Variants in RORA observed in about 807,000 individuals in gnomAD.
RORA encodes nuclear receptor ROR-alpha.
In RORA, 7 loss-of-function variants were observed where a neutral mutation model predicts 69.5. The ratio of observed to expected loss-of-function variants is 0.10; its 90% CI spans 0.06 to 0.19. RORA has a LOEUF of 0.19. Among genes scored for constraint, RORA ranks in the 10% least tolerant of loss-of-function variants. The probability of loss-of-function intolerance (pLI) is 1.00; values close to 1 mark genes in which losing one functional copy is unlikely to be tolerated. For synonymous variants in RORA, 261 were observed against 240.8 expected, an observed-to-expected ratio of 1.08 and a Z score of -0.78; for missense variants, 457 against 663.0, an observed-to-expected ratio of 0.69 and a Z score of 3.41.
intron 1 of RORA, among the ~76,000 whole-genome samples, chr15:60,919,141 C>G (rs1282165071): frequency 6.6e-6 from 1 of 152,216 alleles, no homozygotes; most frequent in Non-Finnish European, 1.5e-5. Context: ...ACAGTGGCCT[C>G]CTTGGCTTTT....
At chr15:60,699,335 T>C (rs1414322715) in intron 1 of RORA, among the ~76,000 whole-genome samples, 1 of 152,230 alleles carries the variant, frequency 6.6e-6, no homozygotes, top group Non-Finnish European at 1.5e-5. Context: ...ATTATCTAAA[T>C]ATACTTTTTT....
chr15:60,749,038 C>T (rs1273980386), intron 1 of RORA, among the ~76,000 whole-genome samples: 1 of 152,136 alleles, frequency 6.6e-6, no homozygotes, highest in Non-Finnish European at 1.5e-5. Context: ...AATGCACATT[C>T]CTAGAGTCCA....
At chr15:60,658,794 C>T (rs1288033160) in intron 2 of RORA, among the ~76,000 whole-genome samples, 2 of 152,194 alleles carry the variant, frequency 1.3e-5, no homozygotes, top group African/African-American at 4.8e-5. Context: ...TCCGTTCTCC[C>T]ATGTGAAGGA....
chr15:60,912,101 G>A (rs1891741163), intron 1 of RORA, among the ~76,000 whole-genome samples: 1 of 152,178 alleles, frequency 6.6e-6, no homozygotes, highest in African/African-American at 2.4e-5. Context: ...TTTTGCTTAA[G>A]GCAATGCCTG....
intron 1 of RORA, among the ~76,000 whole-genome samples, chr15:61,084,566 T>C (rs2078594799): frequency 6.6e-6 from 1 of 152,238 alleles, no homozygotes; most frequent in South Asian, 2.1e-4. Flanking sequence ...TATGTATGTC[T>C]CTGTCTCATT....
At chr15:60,922,534 C>T (rs1892079457) in intron 1 of RORA, among the ~76,000 whole-genome samples, 1 of 152,200 alleles carries the variant, frequency 6.6e-6, no homozygotes, top group Non-Finnish European at 1.5e-5. Context: ...TGCTACTATC[C>T]TATTTCTTGT....
chr15:60,997,895 C>A (rs1304713716), intron 1 of RORA, among the ~76,000 whole-genome samples: 1 of 152,160 alleles, frequency 6.6e-6, no homozygotes, highest in Non-Finnish European at 1.5e-5. Flanking sequence ...TCAAGGAAAC[C>A]ATTTATTAGG....
At chr15:60,683,227 A>G (rs2070675785) in intron 1 of RORA, among the ~76,000 whole-genome samples, 1 of 152,100 alleles carries the variant, frequency 6.6e-6, no homozygotes, top group African/African-American at 2.4e-5. Context: ...GTTCAGGCTG[A>G]TCTTGAATGC....
At chr15:61,177,067 T>A (rs531774905) in intron 1 of RORA, among the ~76,000 whole-genome samples, 24 of 152,254 alleles carry the variant, frequency 1.6e-4, no homozygotes, top group Middle Eastern at 3.4e-3. Context: ...TTAAAAGACA[T>A]TGAAGACAAA....
chr15:61,207,047 C>T lies in RORA; in HGVS notation c.166+22006G>A, dbSNP rs146780720. Among the ~76,000 whole-genome samples, 79 of 152,150 alleles carry T rather than the reference C, an allele frequency of 5.2e-4. No individual in the cohort carries two copies. The East Asian group carries it at 0.014, about 28-fold the overall frequency. On this transcript the variant is annotated intron_variant, in intron 1 of 10. Coordinates refer to ENST00000335670, the MANE Select transcript of RORA (RefSeq NM_134261.3). ...CTTTCGTAGGCCTCATCCCACTATG[C>T]AGTTAGAAGAATATGTGTCTGTGTA...
rs1349098487 is a variant in RORA at position 60,548,819 on chromosome 15, A to G, written c.197-16968T>C. ...TGCCTGGCTAATTTTTTGTATTTTT[A>G]GTAGAGACAGGGTTTCACCGTGGTC... is the stretch of plus-strand genomic sequence containing the variant. On this transcript the variant is annotated intron_variant, in intron 2 of 10. Coordinates refer to ENST00000335670, the MANE Select transcript of RORA (RefSeq NM_134261.3). Among the ~76,000 whole-genome samples the G allele has an allele frequency of 5.9e-5, 9 of 152,172 alleles. No homozygotes were observed. The East Asian group carries it at 1.7e-3, about 29-fold the overall frequency.
At chr15:60,543,625 C>G (rs1407715720) in intron 2 of RORA, among the ~76,000 whole-genome samples, 1 of 152,086 alleles carries the variant, frequency 6.6e-6, no homozygotes, top group African/African-American at 2.4e-5. Flanking sequence ...ACTACAGGCA[C>G]ACACCACCAC....
chr15:60,899,885 C>T (rs1274093640), intron 1 of RORA, among the ~76,000 whole-genome samples: 1 of 152,216 alleles, frequency 6.6e-6, no homozygotes, highest in Non-Finnish European at 1.5e-5. Flanking sequence ...TTCCCTAATA[C>T]AGCCAATATA....
At chr15:60,870,079 A>G (rs769814522) in intron 1 of RORA, among the ~76,000 whole-genome samples, 1 of 152,242 alleles carries the variant, frequency 6.6e-6, no homozygotes, top group Non-Finnish European at 1.5e-5. Context: ...TCAATCAGAC[A>G]TGTGACTAGG....
chr15:61,068,951 C>A (rs570033339), intron 1 of RORA, among the ~76,000 whole-genome samples: 2 of 152,212 alleles, frequency 1.3e-5, no homozygotes, highest in Non-Finnish European at 2.9e-5. Flanking sequence ...TATAGAAACT[C>A]TTAATATACT....
At chr15:60,676,554 T>C (rs1252549415) in intron 2 of RORA, among the ~76,000 whole-genome samples, 3 of 152,252 alleles carry the variant, frequency 2.0e-5, no homozygotes, top group Non-Finnish European at 4.4e-5. Flanking sequence ...GCTTTAAGTC[T>C]TTCTACATTG....
At chr15:61,057,557 C>A (rs2078113147) in intron 1 of RORA, among the ~76,000 whole-genome samples, 1 of 152,202 alleles carries the variant, frequency 6.6e-6, no homozygotes, top group Non-Finnish European at 1.5e-5. Flanking sequence ...AAAGTAACAA[C>A]AAATACTTAC....
At chr15:60,611,939 T>C (rs762740446) in intron 2 of RORA, among the ~76,000 whole-genome samples, 1 of 152,122 alleles carries the variant, frequency 6.6e-6, no homozygotes, top group Non-Finnish European at 1.5e-5. Context: ...TGGCATTCCG[T>C]TTTTCAACCC....
intron 3 of RORA, among the ~76,000 whole-genome samples, chr15:60,521,279 G>T (rs945217859): frequency 6.7e-6 from 1 of 148,570 alleles, no homozygotes; most frequent in East Asian, 1.9e-4. Context: ...GTCTTGGTCC[G>T]TCACCAGGCT....
Sources: allele counts gnomAD v4.1 joint callset (sites outside exome capture counted in the v4.1 genomes callset), GRCh38; gene constraint gnomAD v4.1.1; transcripts MANE v1.5; gene names NCBI Gene and HGNC (gene_info 2026-07-23, HGNC 2026-07-21).